Variants in KCNQ1 observed in about 807,000 individuals in gnomAD.
The protein encoded by KCNQ1 is potassium voltage-gated channel subfamily KQT member 1.
A neutral mutation model predicts 72.4 loss-of-function variants in KCNQ1; 49 were observed. The ratio of observed to expected loss-of-function variants is 0.68; its 90% CI spans 0.54 to 0.86. The LOEUF (loss-of-function observed/expected upper bound fraction) is 0.86, where lower values mean the gene tolerates loss of function less well. KCNQ1 is among the 40% of genes least tolerant of loss of function. KCNQ1 has a pLI of 0.00. For missense variants in KCNQ1, 790 were observed against 945.1 expected (o/e 0.84, Z 2.15); for synonymous variants, 450 against 412.6 (o/e 1.09, Z -1.10).
In KCNQ1 at chr11:2,817,992, C is replaced by T. The variant is rs1389814856; in HGVS notation, c.1795-29775C>T. On this transcript the variant is annotated intron_variant, in intron 15 of 15. Coordinates refer to ENST00000155840, the MANE Select transcript of KCNQ1 (RefSeq NM_000218.3). The surrounding 1 kb of genome is among the most constrained non-coding windows in gnomAD (Gnocchi z 6.1). ...CCCAACTATTCCCAAACTCTATCTA[C>T]AAAATATTTTTCTCTTTTATCATTA... Among the ~76,000 whole-genome samples the T allele has an allele frequency of 6.6e-6, 1 of 152,146 alleles. No homozygotes were observed. The highest frequency in any genetic ancestry group is 6.5e-5 in the Admixed American group (1 of 15,276).
Position 2,698,687 on chromosome 11 carries a change from C to G in KCNQ1, c.1514+36606C>G. On this transcript the variant is annotated intron_variant, in intron 11 of 15. Transcript: ENST00000155840. The surrounding 1 kb of genome is among the most constrained non-coding windows in gnomAD (Gnocchi z 5.1). ...AGAGCCCCCCATTCAGAACCTCTAC[C>G]CAAAGACAGACTCCAGACCCTGACT... The G allele has an allele frequency of 2.5e-6, 1 of 398,888 alleles. No homozygotes were observed. The highest frequency in any genetic ancestry group is 4.4e-6 in the Non-Finnish European group (1 of 226,186). 24.7% of individuals were successfully genotyped at this position (398,888 alleles called of 1,614,324 possible).
intron 10 of KCNQ1, chr11:2,628,962 C>A: frequency 2.5e-6 from 1 of 398,230 alleles, no homozygotes; most frequent in South Asian, 1.3e-4. Context: ...CTATTCTGTT[C>A]CATTGGTTTA....
intron 7 of KCNQ1, among the ~76,000 whole-genome samples, chr11:2,584,057 C>A (rs576869112): frequency 1.9e-4 from 29 of 151,966 alleles, no homozygotes. Context: ...TTTTATGTTA[C>A]CTGTATACTA....
At position 2,764,836 on chromosome 11, in the gene KCNQ1, A is replaced by G. The variant is rs917192798; in HGVS notation, c.1515-4008A>G. Among the ~76,000 whole-genome samples, 2 of 152,178 alleles carry G rather than the reference A, an allele frequency of 1.3e-5. No homozygotes were observed. Among genetic ancestry groups the G allele is most frequent in the Admixed American group, 1.3e-4 (2 of 15,284 alleles). The stretch of plus-strand genomic sequence containing the variant: ...AATGTTTCTGCACCTCTAGGTCTAT[A>G]GTGACATTCCATCTTTAACTCCTGA... On this transcript the variant is annotated intron_variant, in intron 11 of 15. Coordinates refer to ENST00000155840, the MANE Select transcript of KCNQ1 (RefSeq NM_000218.3). The surrounding 1 kb of genome is among the most constrained non-coding windows in gnomAD (Gnocchi z 4.8).
At chr11:2,632,493 G>C (rs1849377395) in intron 10 of KCNQ1, 2 of 398,284 alleles carry the variant, frequency 5.0e-6, no homozygotes, top group Non-Finnish European at 8.9e-6. Context: ...CTCCTTGTGG[G>C]TTTTTCTTCT....
Position 2,481,398 on chromosome 11 carries a change from G to A in KCNQ1, c.386+35914G>A, listed in dbSNP as rs984860150. On this transcript the variant is annotated intron_variant, in intron 1 of 15. Coordinates refer to ENST00000155840, the MANE Select transcript of KCNQ1 (RefSeq NM_000218.3). This position sits in a 1 kb window ranked among gnomAD's most constrained non-coding sequence, Gnocchi z 4.6. ...GCACATGTTTCTACTTGGTCTTTGT[G>A]TGTGTGTTAAGGGCGTGTACACACA... 1.3e-5 allele frequency among the ~76,000 whole-genome samples: 2 copies of A among 152,100 alleles called. No individual in the cohort carries two copies. The highest frequency in any genetic ancestry group is 4.8e-5 in the African/African-American group (2 of 41,412).
chr11:2,611,264 G>A lies in KCNQ1; in HGVS notation c.1393+22410G>A, dbSNP rs765942380. 1.9e-4 allele frequency: 77 copies of A among 397,510 alleles called. No individual in the cohort carries two copies. The highest frequency in any genetic ancestry group is 2.8e-4 in the Non-Finnish European group (63 of 225,992). 24.6% of individuals were successfully genotyped at this position (397,510 alleles called of 1,614,324 possible). A position where few individuals can be genotyped will look rare whatever the true frequency, so the allele number is the denominator to read the frequency against. On this transcript the variant is annotated intron_variant, in intron 10 of 15. Transcript: ENST00000155840. This position sits in a 1 kb window ranked among gnomAD's most constrained non-coding sequence, Gnocchi z 5.3. Reference sequence around the variant, plus strand: ...GGATGGAGTCTCACTCTGTTGCCCAGGCTGGAGTGCAGTGGCGTGACCTTG... The same window carrying A: ...GGATGGAGTCTCACTCTGTTGCCCAAGCTGGAGTGCAGTGGCGTGACCTTG...
At chr11:2,741,780 G>C (rs1846055993) in intron 11 of KCNQ1, among the ~76,000 whole-genome samples, 1 of 152,216 alleles carries the variant, frequency 6.6e-6, no homozygotes, top group South Asian at 2.1e-4. Flanking sequence ...CAGACAGCTG[G>C]GGCTGGGAGC....
intron 15 of KCNQ1, among the ~76,000 whole-genome samples, chr11:2,801,538 C>A (rs1470353118): frequency 6.6e-6 from 1 of 152,226 alleles, no homozygotes; most frequent in East Asian, 1.9e-4. Context: ...ATCCCTGGTG[C>A]TGCCGCCTTC....
In KCNQ1 at chr11:2,676,527, T is replaced by A. The variant is rs563587232; in HGVS notation, c.1514+14446T>A. 2 of 398,614 alleles carry A rather than the reference T, an allele frequency of 5.0e-6. No individual in the cohort carries two copies. Among genetic ancestry groups the A allele is most frequent in the African/African-American group, 4.1e-5 (2 of 48,732 alleles). 24.7% of individuals were successfully genotyped at this position (398,614 alleles called of 1,614,324 possible). On this transcript the variant is annotated intron_variant, in intron 11 of 15. Transcript: ENST00000155840. This position sits in a 1 kb window ranked among gnomAD's most constrained non-coding sequence, Gnocchi z 4.2. ...GAACACTTGGACTTGGCAAAAGGCATAGAGGTAGTGGTACAGGAAAGGTCT... is the reference window on the plus strand; with the variant it reads ...GAACACTTGGACTTGGCAAAAGGCAAAGAGGTAGTGGTACAGGAAAGGTCT...
At chr11:2,837,901 C>G (rs1386101071) in intron 15 of KCNQ1, among the ~76,000 whole-genome samples, 1 of 152,166 alleles carries the variant, frequency 6.6e-6, no homozygotes, top group Non-Finnish European at 1.5e-5. Flanking sequence ...GCAGGGATGC[C>G]TCAAAGGTTC....
In KCNQ1 at chr11:2,562,220, G is replaced by C. The variant is rs994650429; in HGVS notation, c.478-8408G>C. On this transcript the variant is annotated intron_variant, in intron 2 of 15. Transcript: ENST00000155840. The surrounding 1 kb of genome is among the most constrained non-coding windows in gnomAD (Gnocchi z 7.5). The stretch of plus-strand genomic sequence containing the variant: ...GACTGGTACTCCCCGGGGGGTGGGG[G>C]TGAGGGCGGGGGTGAGTGTGGATGA... Among the ~76,000 whole-genome samples, 1 of 151,128 alleles carries C rather than the reference G, an allele frequency of 6.6e-6. No individual in the cohort carries two copies. Among genetic ancestry groups the C allele is most frequent in the Non-Finnish European group, 1.5e-5 (1 of 67,696 alleles).
intron 15 of KCNQ1, among the ~76,000 whole-genome samples, chr11:2,799,392 G>T (rs1054222218): frequency 5.9e-5 from 9 of 151,988 alleles, no homozygotes; most frequent in African/African-American, 1.2e-4. Context: ...GTGTGTGTGT[G>T]TGTGTGTGTG....
At chr11:2,819,567 C>T (rs1436596674) in intron 15 of KCNQ1, among the ~76,000 whole-genome samples, 1 of 152,218 alleles carries the variant, frequency 6.6e-6, no homozygotes, top group African/African-American at 2.4e-5. Context: ...TAGGTTTTAG[C>T]ATCTGTGTTC....
rs1000243290 is a variant in KCNQ1, at chr11:2,549,409, C to T, written c.478-21219C>T. ...CCTCTCTCCACACATCTGACCTTTGCCTGCTTTGGGGGCAGTTTGAGGCCT... is the reference window on the plus strand; with the variant it reads ...CCTCTCTCCACACATCTGACCTTTGTCTGCTTTGGGGGCAGTTTGAGGCCT... On this transcript the variant is annotated intron_variant, in intron 2 of 15. Transcript: ENST00000155840. The surrounding 1 kb of genome is among the most constrained non-coding windows in gnomAD (Gnocchi z 6.2). 1.3e-5 allele frequency among the ~76,000 whole-genome samples: 2 copies of T among 152,142 alleles called. No individual in the cohort carries two copies. The highest frequency in any genetic ancestry group is 4.8e-5 in the African/African-American group (2 of 41,432).
In KCNQ1 at chr11:2,550,144, C is replaced by T. The variant is rs190543636; in HGVS notation, c.478-20484C>T. On this transcript the variant is annotated intron_variant, in intron 2 of 15. Transcript: ENST00000155840. This position sits in a 1 kb window ranked among gnomAD's most constrained non-coding sequence, Gnocchi z 6.0. Reference sequence around the variant, plus strand: ...GTTGTCTGTAGAGAACCAGAGCTGCCGAGCCCCGGCCTGGATGGACATCCC... The same window carrying T: ...GTTGTCTGTAGAGAACCAGAGCTGCTGAGCCCCGGCCTGGATGGACATCCC... Among the ~76,000 whole-genome samples, 18 of 152,310 alleles carry T rather than the reference C, an allele frequency of 1.2e-4. No individual in the cohort carries two copies. The highest frequency in any genetic ancestry group is 3.8e-4 in the African/African-American group (16 of 41,566).
intron 11 of KCNQ1, among the ~76,000 whole-genome samples, chr11:2,726,745 A>G (rs1426466985): frequency 6.6e-6 from 1 of 152,206 alleles, no homozygotes; most frequent in African/African-American, 2.4e-5. Context: ...TAGTGATTTT[A>G]AAGCCGGCTT....
In KCNQ1 at chr11:2,691,578, G is replaced by A. The variant is rs981588184; in HGVS notation, c.1514+29497G>A. 9 of 398,444 alleles carry A rather than the reference G, an allele frequency of 2.3e-5. No individual in the cohort carries two copies. The highest frequency in any genetic ancestry group is 1.8e-4 in the Admixed American group (4 of 22,716). 24.7% of individuals were successfully genotyped at this position (398,444 alleles called of 1,614,324 possible). A position where few individuals can be genotyped will look rare whatever the true frequency, so the allele number is the denominator to read the frequency against. On this transcript the variant is annotated intron_variant, in intron 11 of 15. Coordinates refer to ENST00000155840, the MANE Select transcript of KCNQ1 (RefSeq NM_000218.3). The surrounding 1 kb of genome is among the most constrained non-coding windows in gnomAD (Gnocchi z 6.4). ...GGTTATGAAATACCTCAGCAAGGAC[G>A]AGGCCTCCCTGAGGGAGTCAACCTA...
Position 2,627,331 on chromosome 11 carries a change from A to G in KCNQ1, c.1394-34630A>G. On this transcript the variant is annotated intron_variant, in intron 10 of 15. Transcript: ENST00000155840. This position sits in a 1 kb window ranked among gnomAD's most constrained non-coding sequence, Gnocchi z 4.9. Reference sequence around the variant, plus strand: ...GTGCGTGTGTGTGGTCAGAATACCTAAGCTATACTCTCTTAGCAAATTCCA... The same window carrying G: ...GTGCGTGTGTGTGGTCAGAATACCTGAGCTATACTCTCTTAGCAAATTCCA... 1 of 398,538 alleles carries G rather than the reference A, an allele frequency of 2.5e-6. No homozygotes were observed. The highest frequency in any genetic ancestry group is 4.4e-6 in the Non-Finnish European group (1 of 226,046). 24.7% of individuals were successfully genotyped at this position (398,538 alleles called of 1,614,324 possible). A position where few individuals can be genotyped will look rare whatever the true frequency, so the allele number is the denominator to read the frequency against.
Sources: allele counts gnomAD v4.1 joint callset (sites outside exome capture counted in the v4.1 genomes callset), GRCh38; gene constraint gnomAD v4.1.1; non-coding constraint Gnocchi (gnomAD v3.1); transcripts MANE v1.5; gene names NCBI Gene and HGNC (gene_info 2026-07-23, HGNC 2026-07-21).